The following OVOL2 variants were observed in gnomAD, a reference collection of about 807,000 sequenced individuals.
The protein encoded by OVOL2 is transcription factor Ovo-like 2.
In OVOL2, 13 loss-of-function variants were observed where a neutral mutation model predicts 18.1. The observed-to-expected ratio is 0.72, with a 90% CI of 0.47 to 1.14. OVOL2 has a LOEUF of 1.14. Ranked by LOEUF, OVOL2 falls within the 50% of genes most tolerant of loss-of-function variation. The pLI is 0.00. For missense variants in OVOL2, 335 were observed against 383.0 expected, an observed-to-expected ratio of 0.87 and a Z score of 1.05; for synonymous variants, 166 against 162.7, an observed-to-expected ratio of 1.02 and a Z score of -0.16.
chr20:18,049,067 CGAA>C (rs1490494157), intron 2 of OVOL2, among the ~76,000 whole-genome samples: 1 of 152,178 alleles, frequency 6.6e-6, no homozygotes, highest in Non-Finnish European at 1.5e-5. Flanking sequence ...GGCACGAAGA[CGAA>C]GAGACAATGA....
intron 3 of OVOL2, among the ~76,000 whole-genome samples, chr20:18,033,829 T>C (rs888730590): frequency 2.0e-5 from 3 of 152,104 alleles, no homozygotes; most frequent in African/African-American, 7.2e-5. Flanking sequence ...CCAAACCAAA[T>C]CGTTTACTTC....
chr20:18,036,863 G>A (rs1369583070), intron 3 of OVOL2, among the ~76,000 whole-genome samples: 2 of 152,100 alleles, frequency 1.3e-5, no homozygotes, highest in Admixed American at 6.5e-5. Context: ...CAGGCCGGGC[G>A]CGGTGGCTCA....
intron 2 of OVOL2, among the ~76,000 whole-genome samples, chr20:18,047,853 CA>C (rs34668253): frequency 0.013 from 619 of 47,098 alleles, 1 homozygote; most frequent in African/African-American, 0.045. Context: ...GACTCCGTCT[CA>C]AAAAAAAAAA....
chr20:18,032,351 A>G (rs1202882468), intron 3 of OVOL2, among the ~76,000 whole-genome samples: 1 of 145,330 alleles, frequency 6.9e-6, no homozygotes, highest in African/African-American at 2.7e-5. Context: ...AAGGAAAGAA[A>G]AGAAAAGAAA....
intron 3 of OVOL2, among the ~76,000 whole-genome samples, chr20:18,038,359 CT>C (rs1258084770): frequency 1.3e-5 from 2 of 152,176 alleles, no homozygotes; most frequent in African/African-American, 4.8e-5. Flanking sequence ...ACAACCATCA[CT>C]TTAAGTGGCA....
chr20:18,049,438 G>A (rs1437508799), intron 2 of OVOL2, among the ~76,000 whole-genome samples: 4 of 152,164 alleles, frequency 2.6e-5, no homozygotes, highest in Non-Finnish European at 4.4e-5. Context: ...GATATTCTGA[G>A]TCCAAGGCTA....
intron 2 of OVOL2, among the ~76,000 whole-genome samples, chr20:18,055,734 G>A (rs889011850): frequency 5.9e-5 from 9 of 152,184 alleles, no homozygotes; most frequent in African/African-American, 2.2e-4. Context: ...GGAGGGCACC[G>A]GAGAGCCCTG....
At chr20:18,033,174 TTTCTC>T (rs1464274637) in intron 3 of OVOL2, among the ~76,000 whole-genome samples, 8 of 152,214 alleles carry the variant, frequency 5.3e-5, no homozygotes, top group African/African-American at 1.9e-4. Context: ...ACACCATTGT[TTTCTC>T]TTCTTTAATC....
chr20:18,037,150 A>AAAAAAAAAAG (rs751298916), intron 3 of OVOL2, among the ~76,000 whole-genome samples: 3 of 147,146 alleles, frequency 2.0e-5, no homozygotes, highest in Non-Finnish European at 3.0e-5. Flanking sequence ...AAAAAAAAAA[A>AAAAAAAAAAG]AAAGAAAGAA....
chr20:18,027,958 G>C (rs1442890490), intron 3 of OVOL2, among the ~76,000 whole-genome samples: 1 of 152,014 alleles, frequency 6.6e-6, no homozygotes, highest in Non-Finnish European at 1.5e-5. Context: ...CGTCACAAAA[G>C]CATGGAAGTT....
chr20:18,032,722 G>C (rs755937105), intron 3 of OVOL2, among the ~76,000 whole-genome samples: 5 of 152,088 alleles, frequency 3.3e-5, no homozygotes, highest in Non-Finnish European at 4.4e-5. Flanking sequence ...GGCCAGGCCG[G>C]TCTCAAACTC....
chr20:18,025,207 T>C (rs138374970), intron 3 of OVOL2, among the ~76,000 whole-genome samples: 176 of 152,304 alleles, frequency 1.2e-3, no homozygotes, highest in African/African-American at 4.0e-3. Flanking sequence ...GGGAGGAAGA[T>C]TTTTATTCTT....
chr20:18,037,888 C>T (rs544368250), intron 3 of OVOL2, among the ~76,000 whole-genome samples: 2 of 149,732 alleles, frequency 1.3e-5, no homozygotes, highest in African/African-American at 5.0e-5. Flanking sequence ...GATCACCTCC[C>T]AAATACATTG....
At chr20:18,041,838 C>T in intron 2 of OVOL2, 115 bp from the exon 3 acceptor site, 1 of 920,788 alleles carries the variant, frequency 1.1e-6, no homozygotes, top group East Asian at 3.0e-5. Context: ...GCTTCTGCCC[C>T]TAAAATTTTC....
chr20:18,052,401 A>C lies in OVOL2; in HGVS notation c.321+4256T>G, dbSNP rs570542022. On this transcript the variant is annotated intron_variant, in intron 2 of 3. Coordinates refer to ENST00000278780, the MANE Select transcript of OVOL2 (RefSeq NM_021220.4). ...ATTGGTAATGTGGGTGTGATCATGA[A>C]TTTTGGTCTTTATCCACTAAACGCA... 2.5e-3 allele frequency among the ~76,000 whole-genome samples: 375 copies of C among 152,290 alleles called. 1 individual carries two copies. Among genetic ancestry groups the C allele is most frequent in the Non-Finnish European group, 4.7e-3 (317 of 68,028 alleles).
At chr20:18,038,078 C>T (rs1415740749) in intron 3 of OVOL2, among the ~76,000 whole-genome samples, 1 of 152,202 alleles carries the variant, frequency 6.6e-6, no homozygotes, top group South Asian at 2.1e-4. Context: ...AAACAAGGCA[C>T]CTCCCAGGAC....
At chr20:18,026,662 T>G (rs2036521642) in intron 3 of OVOL2, among the ~76,000 whole-genome samples, 1 of 152,172 alleles carries the variant, frequency 6.6e-6, no homozygotes, top group Non-Finnish European at 1.5e-5. Flanking sequence ...ATTACAGGCG[T>G]GAGCCACCGC....
chr20:18,038,314 G>T (rs539810420), intron 3 of OVOL2, among the ~76,000 whole-genome samples: 1 of 152,274 alleles, frequency 6.6e-6, no homozygotes, highest in South Asian at 2.1e-4. Flanking sequence ...TACAATATAA[G>T]AAGCACTTTT....
At position 18,024,424 on chromosome 20, in the gene OVOL2, T is replaced by A; in HGVS notation, c.*212A>T. ...ACAAACTTTGGTGAATGTGAGCAAC[T>A]GCGCCAGACAGGACACAGGTTACAG... On this transcript the variant is annotated 3_prime_UTR_variant, in exon 4 of 4. Coordinates refer to ENST00000278780, the MANE Select transcript of OVOL2 (RefSeq NM_021220.4). The A allele has an allele frequency of 9.6e-7, 1 of 1,040,426 alleles. No individual in the cohort carries two copies. Among genetic ancestry groups the A allele is most frequent in the South Asian group, 2.8e-5 (1 of 35,088 alleles). The allele number at this position is 1,040,426 out of a possible 1,614,324, so 64.4% of individuals were successfully genotyped here. A position where few individuals can be genotyped will look rare whatever the true frequency, so the allele number is the denominator to read the frequency against.
Sources: gnomAD v4.1 joint callset for allele counts (sites outside exome capture counted in the v4.1 genomes callset) on GRCh38, gnomAD v4.1.1 for gene constraint, MANE v1.5 for transcripts, NCBI Gene and HGNC (gene_info 2026-07-23, HGNC 2026-07-21) for gene names.